The following PARD3B variants were observed in gnomAD, a reference collection of about 807,000 sequenced individuals.
The protein encoded by PARD3B is par-3 family cell polarity regulator beta.
A neutral mutation model predicts 130.2 loss-of-function variants in PARD3B; 103 were observed. That is an observed-to-expected ratio of 0.79 (90% CI 0.67 to 0.93). The LOEUF (loss-of-function observed/expected upper bound fraction) is 0.93, where lower values mean the gene tolerates loss of function less well. Among genes scored for constraint, PARD3B ranks in the 40% least tolerant of loss-of-function variants. The pLI is 0.00. For missense variants in PARD3B, 1,609 were observed against 1,499.2 expected (o/e 1.07, Z -1.21); for synonymous variants, 583 against 553.2 (o/e 1.05, Z -0.76).
intron 19 of PARD3B, among the ~76,000 whole-genome samples, chr2:205,433,532 CAAAAAAAAAAA>C (rs34275307): frequency 9.1e-6 from 1 of 110,304 alleles, no homozygotes; most frequent in Non-Finnish European, 1.9e-5. Flanking sequence ...GACTCTGTGT[CAAAAAAAAAAA>C]AAAAAAAAAA....
intron 2 of PARD3B, among the ~76,000 whole-genome samples, chr2:204,760,779 G>T: frequency 6.6e-6 from 1 of 152,132 alleles, no homozygotes; most frequent in East Asian, 1.9e-4. Context: ...AAAGTACTGT[G>T]CTATAAAATG....
chr2:205,067,686 G>A (rs1006198522), intron 4 of PARD3B, among the ~76,000 whole-genome samples: 1 of 151,756 alleles, frequency 6.6e-6, no homozygotes, highest in Non-Finnish European at 1.5e-5. Context: ...TTAATATTTG[G>A]CATGAGAAAT....
At chr2:204,695,571 T>C (rs771954075) in intron 2 of PARD3B, among the ~76,000 whole-genome samples, 8 of 152,098 alleles carry the variant, frequency 5.3e-5, no homozygotes, top group Non-Finnish European at 8.8e-5. Context: ...TCAGTTCTCA[T>C]GTTTATAAAG....
intron 18 of PARD3B, among the ~76,000 whole-genome samples, chr2:205,378,876 C>T (rs929452300): frequency 9.2e-5 from 14 of 151,756 alleles, no homozygotes; most frequent in African/African-American, 3.1e-4. Context: ...GTGATCTGCC[C>T]GCCTCGGCCT....
intron 2 of PARD3B, among the ~76,000 whole-genome samples, chr2:204,734,067 A>G (rs2039637745): frequency 6.6e-6 from 1 of 152,174 alleles, no homozygotes; most frequent in South Asian, 2.1e-4. Context: ...GATAACTCTT[A>G]TAATTTAATA....
At chr2:204,853,680 AT>A (rs1000032599) in intron 2 of PARD3B, among the ~76,000 whole-genome samples, 1 of 152,124 alleles carries the variant, frequency 6.6e-6, no homozygotes, top group African/African-American at 2.4e-5. Flanking sequence ...ATGTTCAATC[AT>A]TTTTTCCCCA....
intron 15 of PARD3B, among the ~76,000 whole-genome samples, chr2:205,206,840 T>C (rs1332677100): frequency 2.0e-5 from 3 of 151,102 alleles, no homozygotes; most frequent in African/African-American, 7.3e-5. Context: ...TACCCAGGAA[T>C]TGAACTCAGC....
intron 3 of PARD3B, among the ~76,000 whole-genome samples, chr2:204,997,230 C>T (rs1014026266): frequency 5.9e-5 from 9 of 152,132 alleles, no homozygotes; most frequent in South Asian, 2.1e-4. Context: ...GTTCTTGGCC[C>T]TTTGTTCTTC....
At chr2:204,806,737 A>G (rs2042780714) in intron 2 of PARD3B, among the ~76,000 whole-genome samples, 1 of 152,186 alleles carries the variant, frequency 6.6e-6, no homozygotes, top group East Asian at 1.9e-4. Context: ...TTTGCAAACT[A>G]TTTGTCAGAC....
At chr2:204,759,357 C>T (rs557342267) in intron 2 of PARD3B, among the ~76,000 whole-genome samples, 1 of 152,106 alleles carries the variant, frequency 6.6e-6, no homozygotes, top group Non-Finnish European at 1.5e-5. Flanking sequence ...CATGGCGCAC[C>T]CACAGTTTCA....
intron 22 of PARD3B, among the ~76,000 whole-genome samples, chr2:205,553,763 G>A (rs148654244): frequency 6.6e-5 from 10 of 152,214 alleles, no homozygotes; most frequent in African/African-American, 2.4e-4. Flanking sequence ...GAGGAATGGC[G>A]GGCCAGTCTT....
chr2:205,055,764 G>A (rs1699589600), intron 4 of PARD3B, among the ~76,000 whole-genome samples: 1 of 152,108 alleles, frequency 6.6e-6, no homozygotes, highest in African/African-American at 2.4e-5. Flanking sequence ...TAATGTCTCA[G>A]TGTTCATAAC....
chr2:205,016,281 T>C (rs1270739960), intron 3 of PARD3B, among the ~76,000 whole-genome samples: 1 of 152,176 alleles, frequency 6.6e-6, no homozygotes, highest in Non-Finnish European at 1.5e-5. Flanking sequence ...ATGTAAACCC[T>C]TCTGCACCTG....
intron 3 of PARD3B, among the ~76,000 whole-genome samples, chr2:204,987,214 C>G (rs980342215): frequency 2.6e-5 from 4 of 152,110 alleles, no homozygotes; most frequent in Non-Finnish European, 5.9e-5. Context: ...AAAGCACTTA[C>G]TGGTAAAATG....
At chr2:205,508,009 A>G (rs1373404311) in intron 21 of PARD3B, among the ~76,000 whole-genome samples, 1 of 152,168 alleles carries the variant, frequency 6.6e-6, no homozygotes, top group Admixed American at 6.6e-5. Context: ...GGACCTAGCA[A>G]TTCACCCCAG....
intron 18 of PARD3B, among the ~76,000 whole-genome samples, chr2:205,318,821 C>G (rs1031645783): frequency 3.9e-5 from 6 of 152,162 alleles, no homozygotes; most frequent in Non-Finnish European, 8.8e-5. Context: ...CCTCACCCAG[C>G]ATCTTAGTGT....
chr2:205,431,139 C>T (rs544957596), intron 19 of PARD3B, among the ~76,000 whole-genome samples: 1 of 152,338 alleles, frequency 6.6e-6, no homozygotes, highest in South Asian at 2.1e-4. Context: ...TGCAATGGCA[C>T]GATCTTGGCT....
intron 20 of PARD3B, among the ~76,000 whole-genome samples, chr2:205,492,952 A>G (rs1295082548): frequency 6.6e-6 from 1 of 152,118 alleles, no homozygotes; most frequent in African/African-American, 2.4e-5. Flanking sequence ...TCAATTAAGA[A>G]TCCTAAATGC....
Position 204,689,917 on chromosome 2 carries a change from T to C in PARD3B, c.222+3635T>C, listed in dbSNP as rs368514162. Among the ~76,000 whole-genome samples the C allele has an allele frequency of 4.3e-4, 66 of 152,334 alleles. No homozygotes were observed. Among genetic ancestry groups the C allele is most frequent in the African/African-American group, 1.5e-3 (61 of 41,590 alleles). ...AGTCATAAATTAACATGAATTTTGCTTTTACGTAGTCACCACCATTGCTAA... is the reference window on the plus strand; with the variant it reads ...AGTCATAAATTAACATGAATTTTGCCTTTACGTAGTCACCACCATTGCTAA... On this transcript the variant is annotated intron_variant, in intron 2 of 22. Coordinates refer to ENST00000406610, the MANE Select transcript of PARD3B (RefSeq NM_001302769.2). The surrounding 1 kb of genome is among the most constrained non-coding windows in gnomAD (Gnocchi z 5.2).
Sources: gnomAD v4.1 joint callset for allele counts (sites outside exome capture counted in the v4.1 genomes callset) on GRCh38, gnomAD v4.1.1 for gene constraint, Gnocchi (gnomAD v3.1) non-coding constraint, MANE v1.5 for transcripts, NCBI Gene and HGNC (gene_info 2026-07-23, HGNC 2026-07-21) for gene names.